Variants in XRCC4 observed in about 807,000 individuals in gnomAD.
XRCC4 encodes the protein X-ray repair cross complementing 4.
A neutral mutation model predicts 39.1 loss-of-function variants in XRCC4; 28 were observed. That is an observed-to-expected ratio of 0.72 (90% CI 0.53 to 0.98). The LOEUF (loss-of-function observed/expected upper bound fraction) is 0.98, where lower values mean the gene tolerates loss of function less well. XRCC4 is among the 50% of genes least tolerant of loss of function. XRCC4 has a pLI of 0.00. For missense variants in XRCC4, 350 were observed against 376.4 expected (o/e 0.93, Z 0.58); for synonymous variants, 123 against 126.4 (o/e 0.97, Z 0.18).
intron 7 of XRCC4, among the ~76,000 whole-genome samples, chr5:83,260,631 G>A: frequency 6.6e-6 from 1 of 152,076 alleles, no homozygotes; most frequent in East Asian, 1.9e-4. Flanking sequence ...GCATGATACA[G>A]AGATGAAAGA....
chr5:83,137,701 C>A (rs1009306536), intron 3 of XRCC4, among the ~76,000 whole-genome samples: 5 of 152,110 alleles, frequency 3.3e-5, no homozygotes, highest in African/African-American at 1.2e-4. Flanking sequence ...AGAAATAGTA[C>A]TAGTACTGGC....
At chr5:83,304,687 T>C (rs1217669411) in intron 7 of XRCC4, among the ~76,000 whole-genome samples, 2 of 151,648 alleles carry the variant, frequency 1.3e-5, no homozygotes, top group African/African-American at 4.8e-5. Context: ...TTACCTTTGC[T>C]TTGCTTCTGT....
chr5:83,248,446 C>G (rs948296503), intron 6 of XRCC4, among the ~76,000 whole-genome samples: 1 of 152,116 alleles, frequency 6.6e-6, no homozygotes, highest in Non-Finnish European at 1.5e-5. Context: ...AATTATTAGA[C>G]AGATCTAAGA....
chr5:83,127,261 T>C (rs1747315621), intron 3 of XRCC4, among the ~76,000 whole-genome samples: 2 of 152,156 alleles, frequency 1.3e-5, no homozygotes, highest in African/African-American at 4.8e-5. Context: ...TAACCCCTGA[T>C]ATGGTTTGGC....
chr5:83,178,797 T>G (rs78013347), intron 3 of XRCC4, among the ~76,000 whole-genome samples: 2,313 of 152,296 alleles, frequency 0.015, 55 homozygotes, highest in African/African-American at 0.052. Flanking sequence ...GTGGTTTTCA[T>G]GACCTGGTCT....
intron 3 of XRCC4, among the ~76,000 whole-genome samples, chr5:83,179,622 C>T (rs1750120073): frequency 6.6e-6 from 1 of 152,170 alleles, no homozygotes; most frequent in Non-Finnish European, 1.5e-5. Context: ...TGCCCCAGCT[C>T]TGTGAGAACC....
chr5:83,144,959 A>G (rs1404420016), intron 3 of XRCC4, among the ~76,000 whole-genome samples: 1 of 152,010 alleles, frequency 6.6e-6, no homozygotes, highest in African/African-American at 2.4e-5. Flanking sequence ...GCAGTGGTGC[A>G]ATCTTGGCTC....
At chr5:83,320,941 A>G (rs1347577306) in intron 7 of XRCC4, among the ~76,000 whole-genome samples, 2 of 150,744 alleles carry the variant, frequency 1.3e-5, no homozygotes, top group Non-Finnish European at 1.5e-5. Context: ...CCTCCCAAGT[A>G]GCTGGAACTA....
intron 6 of XRCC4, among the ~76,000 whole-genome samples, chr5:83,234,241 C>T (rs2112825730): frequency 6.6e-6 from 1 of 152,210 alleles, no homozygotes; most frequent in African/African-American, 2.4e-5. Context: ...AAGTATATTC[C>T]TAAGTTTTCC....
At position 83,264,995 on chromosome 5, in the gene XRCC4, A is replaced by G. The variant is rs769206745; in HGVS notation, c.893+6318A>G. 5.0e-4 allele frequency among the ~76,000 whole-genome samples: 76 copies of G among 152,080 alleles called. 1 individual carries two copies. The highest frequency in any genetic ancestry group is 1.0e-4 in the Non-Finnish European group (7 of 67,996). On this transcript the variant is annotated intron_variant, in intron 7 of 7. Transcript: ENST00000396027. ...TTTTGTTGTTGTTGTTTACCAATTC[A>G]TTTTAGAAATACATATATAGAGAGA...
intron 3 of XRCC4, among the ~76,000 whole-genome samples, chr5:83,113,307 C>T (rs752498625): frequency 6.6e-5 from 10 of 152,200 alleles, no homozygotes; most frequent in Non-Finnish European, 1.2e-4. Flanking sequence ...ATGCAAGAGG[C>T]GGACTCCCAC....
chr5:83,105,114 C>A, intron 2 of XRCC4, 56 bp downstream of exon 2: 3 of 1,507,454 alleles, frequency 2.0e-6, no homozygotes, highest in South Asian at 2.6e-5. Context: ...ATTCTTCAGT[C>A]CTCAGGGATA....
At chr5:83,284,259 C>G (rs1754661757) in intron 7 of XRCC4, among the ~76,000 whole-genome samples, 1 of 151,494 alleles carries the variant, frequency 6.6e-6, no homozygotes, top group South Asian at 2.1e-4. Flanking sequence ...GTCCATATAC[C>G]CAATAACATA....
chr5:83,101,097 TG>T (rs567892343), intron 1 of XRCC4, among the ~76,000 whole-genome samples: 23 of 152,128 alleles, frequency 1.5e-4, no homozygotes, highest in African/African-American at 3.4e-4. Flanking sequence ...TACTTTATAA[TG>T]TTTTTTTAAA....
chr5:83,197,659 A>C (rs962229984), intron 4 of XRCC4, among the ~76,000 whole-genome samples: 1 of 152,160 alleles, frequency 6.6e-6, no homozygotes, highest in African/African-American at 2.4e-5. Flanking sequence ...TTTCTGGACT[A>C]TCCAGCAAGT....
chr5:83,311,566 T>C (rs1194018013), intron 7 of XRCC4, among the ~76,000 whole-genome samples: 1 of 152,124 alleles, frequency 6.6e-6, no homozygotes, highest in Non-Finnish European at 1.5e-5. Flanking sequence ...AATTTCAATT[T>C]ATAAATATAT....
intron 3 of XRCC4, among the ~76,000 whole-genome samples, chr5:83,112,207 T>C (rs951391123): frequency 1.3e-5 from 2 of 152,226 alleles, no homozygotes; most frequent in Non-Finnish European, 2.9e-5. Context: ...CTTAAAATGG[T>C]AATTTAAAAT....
At chr5:83,193,496 A>G (rs16900208) in intron 3 of XRCC4, among the ~76,000 whole-genome samples, 4,172 of 152,288 alleles carry the variant, frequency 0.027, 165 homozygotes, top group African/African-American at 0.084. Context: ...CTGCAAAAAG[A>G]TCTAAGAGGG....
intron 4 of XRCC4, among the ~76,000 whole-genome samples, chr5:83,202,426 A>G (rs1200283218): frequency 6.6e-6 from 1 of 152,116 alleles, no homozygotes; most frequent in East Asian, 1.9e-4. Flanking sequence ...CCCAGAGAAT[A>G]TATTGCCATA....
Sources: allele counts gnomAD v4.1 joint callset (sites outside exome capture counted in the v4.1 genomes callset), GRCh38; gene constraint gnomAD v4.1.1; transcripts MANE v1.5; gene names NCBI Gene and HGNC (gene_info 2026-07-23, HGNC 2026-07-21).